The following NPAS3 variants were observed in gnomAD, a reference collection of about 807,000 sequenced individuals.
NPAS3 encodes neuronal PAS domain protein 3.
Under a neutral mutation model 73.1 loss-of-function variants are expected in NPAS3, and 14 were observed. That is an observed-to-expected ratio of 0.19 (90% CI 0.13 to 0.30). The LOEUF is 0.30. Ranked by LOEUF, NPAS3 falls within the 10% of genes least tolerant of loss-of-function variation. The probability of loss-of-function intolerance (pLI) is 1.00; values close to 1 mark genes in which losing one functional copy is unlikely to be tolerated. For synonymous variants in NPAS3, 620 were observed against 541.5 expected, an observed-to-expected ratio of 1.14 and a Z score of -2.01; for missense variants, 1,096 against 1,250.0, an observed-to-expected ratio of 0.88 and a Z score of 1.86.
At chr14:33,154,036 T>C (rs2044557604) in intron 2 of NPAS3, among the ~76,000 whole-genome samples, 1 of 152,208 alleles carries the variant, frequency 6.6e-6, no homozygotes, top group African/African-American at 2.4e-5. Context: ...GCCATCCCAA[T>C]TTAGAACTCT....
intron 3 of NPAS3, among the ~76,000 whole-genome samples, chr14:33,364,712 A>C (rs2045758320): frequency 1.3e-5 from 2 of 152,226 alleles, no homozygotes; most frequent in South Asian, 4.2e-4. Flanking sequence ...CACAGCCTGA[A>C]CCCTAGTGGA....
At chr14:33,138,568 T>C (rs1372788501) in intron 2 of NPAS3, among the ~76,000 whole-genome samples, 1 of 152,188 alleles carries the variant, frequency 6.6e-6, no homozygotes, top group African/African-American at 2.4e-5. Context: ...TCCATTGTGC[T>C]TTCTCTCTGG....
chr14:33,512,409 C>G (rs2053097484), intron 4 of NPAS3, among the ~76,000 whole-genome samples: 1 of 151,942 alleles, frequency 6.6e-6, no homozygotes. Context: ...CTGCTTTGAT[C>G]TGAAACAAGA....
chr14:33,438,212 T>C (rs1253416599), intron 4 of NPAS3, among the ~76,000 whole-genome samples: 1 of 152,234 alleles, frequency 6.6e-6, no homozygotes, highest in African/African-American at 2.4e-5. Flanking sequence ...GTGGAATTCC[T>C]GGTGGTTACT....
intron 2 of NPAS3, among the ~76,000 whole-genome samples, chr14:33,093,514 G>T (rs1322858065): frequency 2.0e-5 from 3 of 152,186 alleles, no homozygotes; most frequent in Non-Finnish European, 2.9e-5. Context: ...CTTTTACATT[G>T]TTGGTGGGAA....
chr14:32,975,279 C>T (rs981413411), intron 1 of NPAS3, among the ~76,000 whole-genome samples: 1 of 84,260 alleles, frequency 1.2e-5, no homozygotes. Context: ...CTTTGTCTGC[C>T]CTTCTATTCC....
chr14:33,797,852 G>A (rs2063558736), intron 11 of NPAS3, among the ~76,000 whole-genome samples: 2 of 143,850 alleles, frequency 1.4e-5, no homozygotes, highest in South Asian at 2.2e-4. Context: ...CTGTGTGTGT[G>A]TATATATATA....
chr14:33,039,077 G>A (rs988246274), intron 1 of NPAS3, among the ~76,000 whole-genome samples: 1 of 152,086 alleles, frequency 6.6e-6, no homozygotes, highest in Non-Finnish European at 1.5e-5. Flanking sequence ...ATGAAGCCAC[G>A]ACCAAGAATT....
At chr14:33,349,879 A>C (rs540998306) in intron 3 of NPAS3, among the ~76,000 whole-genome samples, 1 of 152,162 alleles carries the variant, frequency 6.6e-6, no homozygotes, top group South Asian at 2.1e-4. Context: ...TCTGGGCGGA[A>C]TTGTTGAAGG....
chr14:33,648,671 C>T (rs917073179), intron 5 of NPAS3, among the ~76,000 whole-genome samples: 1 of 152,144 alleles, frequency 6.6e-6, no homozygotes, highest in Non-Finnish European at 1.5e-5. Flanking sequence ...CATCCCAGTG[C>T]GTGTGTGAAG....
intron 4 of NPAS3, among the ~76,000 whole-genome samples, chr14:33,434,131 G>T (rs1384343188): frequency 6.6e-6 from 1 of 152,144 alleles, no homozygotes; most frequent in African/African-American, 2.4e-5. Flanking sequence ...GGCGGAGGTT[G>T]CAGTGAGCCA....
At chr14:32,938,486 T>TGAGACAGAGAGAGA (rs2035786628), upstream of NPAS3, among the ~76,000 whole-genome samples, 1 of 55,904 alleles carries the variant, frequency 1.8e-5, no homozygotes, top group Non-Finnish European at 3.3e-5. Flanking sequence ...AGAGAGAAAT[T>TGAGACAGAGAGAGA]GAGAGAGAGA....
intron 9 of NPAS3, among the ~76,000 whole-genome samples, chr14:33,783,028 C>T (rs2063029701): frequency 6.6e-6 from 1 of 152,206 alleles, no homozygotes; most frequent in African/African-American, 2.4e-5. Flanking sequence ...ATATCCCCTT[C>T]CAGTCTGCAG....
chr14:33,317,303 C>A (rs187027839), intron 3 of NPAS3, among the ~76,000 whole-genome samples: 1 of 152,038 alleles, frequency 6.6e-6, no homozygotes, highest in Admixed American at 6.6e-5. Flanking sequence ...TGAGTGCTTT[C>A]GTGGTACTGT....
At chr14:32,978,323 C>A (rs2037769103) in intron 1 of NPAS3, among the ~76,000 whole-genome samples, 1 of 152,102 alleles carries the variant, frequency 6.6e-6, no homozygotes. Flanking sequence ...CACAGCCTAC[C>A]CTACCCCAAA....
chr14:33,676,711 A>G (rs988975509), intron 6 of NPAS3, among the ~76,000 whole-genome samples: 4 of 152,344 alleles, frequency 2.6e-5, no homozygotes, highest in Admixed American at 2.6e-4. Context: ...GCTAAATGTA[A>G]TGCGTTTATT....
intron 4 of NPAS3, among the ~76,000 whole-genome samples, chr14:33,515,757 C>T: frequency 6.6e-6 from 1 of 152,036 alleles, no homozygotes; most frequent in South Asian, 2.1e-4. Context: ...GCTTGTAAGC[C>T]CCTTCTAGAA....
At chr14:33,320,721 C>G (rs115254776) in intron 3 of NPAS3, among the ~76,000 whole-genome samples, 4,050 of 152,298 alleles carry the variant, frequency 0.027, 145 homozygotes, top group African/African-American at 0.084. Flanking sequence ...TCAATACATG[C>G]ATGAAGCAGA....
upstream of NPAS3, among the ~76,000 whole-genome samples, chr14:32,937,938 C>T (rs892649543): frequency 2.0e-5 from 3 of 152,112 alleles, no homozygotes; most frequent in Non-Finnish European, 4.4e-5. Context: ...GATTCTAGCC[C>T]GGGCCCTGCA....
Sources: gnomAD v4.1 joint callset for allele counts (sites outside exome capture counted in the v4.1 genomes callset) on GRCh38, gnomAD v4.1.1 for gene constraint, MANE v1.5 for transcripts, NCBI Gene and HGNC (gene_info 2026-07-23, HGNC 2026-07-21) for gene names.